The following DOCK1 variants were observed in gnomAD, a reference collection of about 807,000 sequenced individuals.
DOCK1 encodes dedicator of cytokinesis protein 1.
In DOCK1, 138 loss-of-function variants were observed where a neutral mutation model predicts 262.7. The ratio of observed to expected loss-of-function variants is 0.53; its 90% confidence interval spans 0.46 to 0.61. The LOEUF (loss-of-function observed/expected upper bound fraction) is 0.61, where lower values mean the gene tolerates loss of function less well. DOCK1 is among the 20% of genes least tolerant of loss of function. The pLI, the probability that DOCK1 is intolerant of heterozygous loss-of-function variation, is 0.00. For synonymous variants in DOCK1, 866 were observed against 867.4 expected (o/e 1.00, Z 0.03); for missense variants, 1,908 against 2,370.7 (o/e 0.80, Z 4.05).
intron 50 of DOCK1, among the ~76,000 whole-genome samples, chr10:127,444,676 A>G (rs2070420061): frequency 6.6e-6 from 1 of 152,232 alleles, no homozygotes; most frequent in Admixed American, 6.5e-5. Flanking sequence ...TAAGGGGCAC[A>G]GCTTATTTTT....
chr10:127,097,857 T>C (rs2048003015), intron 23 of DOCK1, among the ~76,000 whole-genome samples: 1 of 152,244 alleles, frequency 6.6e-6, no homozygotes, highest in Non-Finnish European at 1.5e-5. Flanking sequence ...TATAGAGTAC[T>C]CTTCTCTGTT....
chr10:127,106,906 G>C (rs1227245683), intron 24 of DOCK1, among the ~76,000 whole-genome samples: 1 of 152,052 alleles, frequency 6.6e-6, no homozygotes, highest in African/African-American at 2.4e-5. Flanking sequence ...TAATCTGTTG[G>C]TATCACTGCA....
chr10:127,297,561 G>T (rs1336359726), intron 29 of DOCK1, among the ~76,000 whole-genome samples: 1 of 152,150 alleles, frequency 6.6e-6, no homozygotes, highest in African/African-American at 2.4e-5. Flanking sequence ...TGCGTTTGCT[G>T]TGATGTGTTT....
intron 1 of DOCK1, among the ~76,000 whole-genome samples, chr10:126,967,854 C>G (rs2037791245): frequency 6.6e-6 from 1 of 152,160 alleles, no homozygotes. Flanking sequence ...CGCTCTGTTG[C>G]CCAGGCTGGA....
chr10:127,245,632 C>T (rs76953894), intron 27 of DOCK1, among the ~76,000 whole-genome samples: 2,107 of 152,288 alleles, frequency 0.014, 41 homozygotes, highest in African/African-American at 0.043. Context: ...TGAATTTCTC[C>T]GCATGACGTG....
chr10:127,027,786 G>A (rs2042970537), intron 16 of DOCK1, among the ~76,000 whole-genome samples: 1 of 152,096 alleles, frequency 6.6e-6, no homozygotes, highest in South Asian at 2.1e-4. Context: ...CTCCATGTGG[G>A]GTGGGTGTGC....
intron 1 of DOCK1, among the ~76,000 whole-genome samples, chr10:126,934,787 C>T (rs1177260954): frequency 1.6e-5 from 2 of 122,324 alleles, no homozygotes; most frequent in East Asian, 5.0e-4. Flanking sequence ...CTTGATAAAG[C>T]CCTGTGCACA....
At chr10:127,212,525 C>A (rs574657597) in intron 27 of DOCK1, among the ~76,000 whole-genome samples, 1 of 152,086 alleles carries the variant, frequency 6.6e-6, no homozygotes, top group East Asian at 1.9e-4. Context: ...CTGTGCTTCT[C>A]GCTTGCAGAC....
intron 27 of DOCK1, among the ~76,000 whole-genome samples, chr10:127,170,348 C>G (rs2133821849): frequency 6.6e-6 from 1 of 152,308 alleles, no homozygotes; most frequent in East Asian, 1.9e-4. Context: ...CCCCCTACCC[C>G]AAGCCTGCAG....
chr10:126,907,177 C>T (rs544118899), intron 1 of DOCK1, among the ~76,000 whole-genome samples: 9 of 152,182 alleles, frequency 5.9e-5, no homozygotes, highest in Non-Finnish European at 8.8e-5. Flanking sequence ...TGGGTTGTGG[C>T]GACAGTGGGG....
At chr10:127,173,027 G>C (rs2133858254) in intron 27 of DOCK1, among the ~76,000 whole-genome samples, 1 of 152,294 alleles carries the variant, frequency 6.6e-6, no homozygotes, top group African/African-American at 2.4e-5. Context: ...CAGAGTTTCA[G>C]GGACAGTCTT....
intron 27 of DOCK1, among the ~76,000 whole-genome samples, chr10:127,160,359 G>T (rs2053492643): frequency 6.6e-6 from 1 of 152,168 alleles, no homozygotes; most frequent in Admixed American, 6.5e-5. Context: ...ATTCTCAATG[G>T]AAAGTTCTCT....
intron 31 of DOCK1, among the ~76,000 whole-genome samples, chr10:127,353,690 C>G (rs2063998340): frequency 6.6e-6 from 1 of 152,234 alleles, no homozygotes; most frequent in Admixed American, 6.5e-5. Flanking sequence ...GCCTCCCACG[C>G]ACCACAGCAG....
At chr10:127,328,854 A>C (rs915756302) in intron 29 of DOCK1, among the ~76,000 whole-genome samples, 19 of 152,054 alleles carry the variant, frequency 1.2e-4, no homozygotes, top group Admixed American at 7.9e-4. Flanking sequence ...ATGAACAGAA[A>C]AATTATGAGT....
chr10:127,335,471 A>G (rs945448786), intron 29 of DOCK1, among the ~76,000 whole-genome samples: 1 of 152,220 alleles, frequency 6.6e-6, no homozygotes, highest in Non-Finnish European at 1.5e-5. Context: ...ATTGGTATGC[A>G]AAAGCTTCTA....
At chr10:127,240,825 A>G (rs1236062713) in intron 27 of DOCK1, among the ~76,000 whole-genome samples, 2 of 152,212 alleles carry the variant, frequency 1.3e-5, no homozygotes, top group South Asian at 2.1e-4. Context: ...TTCTATTTCA[A>G]CAAATATAAG....
chr10:127,215,175 A>G (rs1486597566), intron 27 of DOCK1, among the ~76,000 whole-genome samples: 1 of 152,006 alleles, frequency 6.6e-6, no homozygotes, highest in Non-Finnish European at 1.5e-5. Context: ...TCCACACCCA[A>G]TGGACAGCTT....
At chr10:127,065,276 G>A (rs767537181) in intron 23 of DOCK1, among the ~76,000 whole-genome samples, 7 of 152,222 alleles carry the variant, frequency 4.6e-5, no homozygotes, top group African/African-American at 9.6e-5. Flanking sequence ...CTCCCAAAGT[G>A]CTGGGATTAC....
intron 31 of DOCK1, among the ~76,000 whole-genome samples, chr10:127,353,091 C>G (rs1344420493): frequency 6.6e-6 from 1 of 152,164 alleles, no homozygotes. Flanking sequence ...TGCCACTTTC[C>G]TGGGCTTGTC....
Sources: gnomAD v4.1 joint callset for allele counts (sites outside exome capture counted in the v4.1 genomes callset) on GRCh38, gnomAD v4.1.1 for gene constraint, MANE v1.5 for transcripts, NCBI Gene and HGNC (gene_info 2026-07-23, HGNC 2026-07-21) for gene names.